Variants in SULF1 observed in about 807,000 individuals in gnomAD.
The protein encoded by SULF1 is extracellular sulfatase Sulf-1.
A neutral mutation model predicts 110.5 loss-of-function variants in SULF1; 46 were observed. The ratio of observed to expected loss-of-function variants is 0.42; its 90% CI spans 0.33 to 0.53. SULF1 has a LOEUF of 0.53. SULF1 is among the 20% of genes least tolerant of loss of function. SULF1 has a pLI of 0.12. For missense variants in SULF1, 941 were observed against 1,094.2 expected, an observed-to-expected ratio of 0.86 and a Z score of 1.98; for synonymous variants, 371 against 387.1, an observed-to-expected ratio of 0.96 and a Z score of 0.49.
chr8:69,660,667 T>A lies in SULF1; in HGVS notation c.*2132T>A, dbSNP rs1386928941. 6.5e-6 allele frequency: 1 copy of A among 152,674 alleles called. No homozygotes were observed. The highest frequency in any genetic ancestry group is 1.9e-4 in the East Asian group (1 of 5,202). The allele number at this position is 152,674 out of a possible 1,614,324, so 9.5% of individuals were successfully genotyped here. ...TGAATCTTTTTGGTAACTTTAAATC[T>A]TTATCATAGACTCTGTACATATGTT... On this transcript the variant is annotated 3_prime_UTR_variant, in exon 23 of 23. Coordinates refer to ENST00000402687, the MANE Select transcript of SULF1 (RefSeq NM_001128205.2).
chr8:69,565,381 G>C (rs1167691948), intron 5 of SULF1, among the ~76,000 whole-genome samples: 1 of 152,146 alleles, frequency 6.6e-6, no homozygotes, highest in African/African-American at 2.4e-5. Flanking sequence ...AGTAATTTTA[G>C]CTTTTTTAGA....
At chr8:69,631,086 T>C (rs1007320993) in intron 19 of SULF1, among the ~76,000 whole-genome samples, 6 of 152,022 alleles carry the variant, frequency 3.9e-5, no homozygotes, top group Non-Finnish European at 8.8e-5. Flanking sequence ...AAATTTAGGC[T>C]GAAACCTAAA....
intron 3 of SULF1, among the ~76,000 whole-genome samples, chr8:69,548,869 G>A (rs935536294): frequency 6.6e-6 from 1 of 152,076 alleles, no homozygotes; most frequent in African/African-American, 2.4e-5. Context: ...ATTAATGTTT[G>A]AAAGTGCATA....
intron 3 of SULF1, among the ~76,000 whole-genome samples, chr8:69,521,842 A>G (rs1812324892): frequency 7.5e-6 from 1 of 132,866 alleles, no homozygotes; most frequent in Non-Finnish European, 1.6e-5. Flanking sequence ...GGGCCAAGGT[A>G]AAAAAAAAAA....
chr8:69,587,283 T>TTCATC (rs1806532687), intron 7 of SULF1, among the ~76,000 whole-genome samples: 2 of 152,208 alleles, frequency 1.3e-5, no homozygotes, highest in Admixed American at 6.5e-5. Flanking sequence ...CTCTTCTTCA[T>TTCATC]TTATCTAGAA....
intron 3 of SULF1, among the ~76,000 whole-genome samples, chr8:69,557,816 A>G (rs1815215373): frequency 6.6e-6 from 1 of 152,202 alleles, no homozygotes; most frequent in African/African-American, 2.4e-5. Flanking sequence ...GGAGAGGAGA[A>G]AGGAAGATCT....
At chr8:69,503,030 T>G (rs1810925179) in intron 3 of SULF1, among the ~76,000 whole-genome samples, 1 of 152,120 alleles carries the variant, frequency 6.6e-6, no homozygotes, top group South Asian at 2.1e-4. Context: ...CAAGGTGGCT[T>G]GGAATAAGTC....
intron 3 of SULF1, among the ~76,000 whole-genome samples, chr8:69,533,069 A>G (rs1176278902): frequency 1.3e-5 from 2 of 152,180 alleles, no homozygotes; most frequent in East Asian, 3.8e-4. Context: ...TATTGCCTCT[A>G]ATAGTTTTCT....
At chr8:69,630,923 T>C (rs1230948879) in intron 19 of SULF1, among the ~76,000 whole-genome samples, 2 of 152,142 alleles carry the variant, frequency 1.3e-5, no homozygotes, top group East Asian at 1.9e-4. Flanking sequence ...ACCCATTAAC[T>C]CGTCATTTAG....
At chr8:69,588,403 C>A (rs1586481995) in intron 7 of SULF1, among the ~76,000 whole-genome samples, 1 of 152,264 alleles carries the variant, frequency 6.6e-6, no homozygotes, top group Middle Eastern at 3.4e-3. Context: ...TGGATTTTGG[C>A]CATGGCTTTG....
chr8:69,632,102 T>C (rs1344317509), intron 19 of SULF1, among the ~76,000 whole-genome samples: 1 of 152,150 alleles, frequency 6.6e-6, no homozygotes, highest in Non-Finnish European at 1.5e-5. Flanking sequence ...TCAACTCATG[T>C]CAATTTAACA....
chr8:69,628,079 C>G, intron 17 of SULF1, 92 bp from the exon 18 acceptor site: 1 of 1,109,224 alleles, frequency 9.0e-7, no homozygotes. Context: ...TCACTGCCTT[C>G]CTTCTTTCTA....
intron 8 of SULF1, chr8:69,597,690 G>A (rs900441559): frequency 6.6e-6 from 1 of 152,100 alleles, no homozygotes; most frequent in Non-Finnish European, 1.5e-5. Flanking sequence ...CTGCATTTCA[G>A]TTCCCTATTG....
intron 3 of SULF1, among the ~76,000 whole-genome samples, chr8:69,561,153 C>G (rs990958732): frequency 6.6e-6 from 1 of 152,118 alleles, no homozygotes; most frequent in Non-Finnish European, 1.5e-5. Flanking sequence ...AAATGATAAG[C>G]ATGTGAGGAG....
intron 3 of SULF1, among the ~76,000 whole-genome samples, chr8:69,549,979 G>A (rs1586373448): frequency 6.6e-6 from 1 of 152,076 alleles, no homozygotes; most frequent in South Asian, 2.1e-4. Context: ...GCTGTACATG[G>A]TGTGTGGCTG....
intron 3 of SULF1, among the ~76,000 whole-genome samples, chr8:69,537,310 T>C (rs1205784240): frequency 6.6e-6 from 1 of 152,206 alleles, no homozygotes; most frequent in Non-Finnish European, 1.5e-5. Flanking sequence ...GCCAGGACCC[T>C]GGCTGAAAGG....
At chr8:69,514,919 T>C (rs1013529765) in intron 3 of SULF1, among the ~76,000 whole-genome samples, 1 of 152,196 alleles carries the variant, frequency 6.6e-6, no homozygotes, top group Non-Finnish European at 1.5e-5. Context: ...AGCAGTGGGC[T>C]CCCAAGGCTT....
chr8:69,521,279 C>G (rs1330220622), intron 3 of SULF1, among the ~76,000 whole-genome samples: 1 of 152,114 alleles, frequency 6.6e-6, no homozygotes, highest in Non-Finnish European at 1.5e-5. Flanking sequence ...GGATACATTA[C>G]TGCACAAAAT....
intron 5 of SULF1, among the ~76,000 whole-genome samples, chr8:69,571,560 A>G (rs1157521613): frequency 6.6e-6 from 1 of 152,172 alleles, no homozygotes. Context: ...ATTCCTATGA[A>G]ATAATTGTTG....
Sources: allele counts gnomAD v4.1 joint callset (sites outside exome capture counted in the v4.1 genomes callset), GRCh38; gene constraint gnomAD v4.1.1; transcripts MANE v1.5; gene names NCBI Gene and HGNC (gene_info 2026-07-23, HGNC 2026-07-21).